TGFBR3: variants seen among roughly 807,000 people sequenced by gnomAD.
TGFBR3 encodes the protein transforming growth factor beta receptor type 3.
In TGFBR3, 46 loss-of-function variants were observed where a neutral mutation model predicts 87.9. That is an observed-to-expected ratio of 0.52 (90% confidence interval 0.41 to 0.67). The LOEUF (loss-of-function observed/expected upper bound fraction) is 0.67, where lower values mean the gene tolerates loss of function less well. Ranked by LOEUF, TGFBR3 falls within the 30% of genes least tolerant of loss-of-function variation. TGFBR3 has a pLI of 0.00. For missense variants in TGFBR3, 866 were observed against 1,041.9 expected (o/e 0.83, Z 2.32); for synonymous variants, 381 against 391.6 (o/e 0.97, Z 0.32).
chr1:91,788,570 A>G (rs1384377509), intron 3 of TGFBR3, among the ~76,000 whole-genome samples: 1 of 152,258 alleles, frequency 6.6e-6, no homozygotes, highest in Admixed American at 6.5e-5. Context: ...ATACTTCTGC[A>G]GAGTTTAAGT....
rs548854508 is a variant in TGFBR3 at position 91,787,162 on chromosome 1, G to A, written c.246+10125C>T. Among the ~76,000 whole-genome samples, 6 of 152,206 alleles carry A rather than the reference G, an allele frequency of 3.9e-5. No homozygotes were observed. The East Asian group carries it at 1.2e-3, about 30-fold the overall frequency. On this transcript the variant is annotated intron_variant, in intron 3 of 16. Transcript: ENST00000212355. Reference sequence around the variant, plus strand: ...CTAAAAATACAAAAATTAGCTGGGCGTGGTGGCACATGCCTATGGTCCCAG... The same window carrying A: ...CTAAAAATACAAAAATTAGCTGGGCATGGTGGCACATGCCTATGGTCCCAG...
intron 5 of TGFBR3, among the ~76,000 whole-genome samples, chr1:91,734,358 C>T (rs1350340231): frequency 1.3e-5 from 2 of 152,184 alleles, no homozygotes; most frequent in African/African-American, 4.8e-5. Context: ...ACACAGGCTT[C>T]AAACGTTTGC....
At chr1:91,871,748 G>C (rs565688578) in intron 1 of TGFBR3, among the ~76,000 whole-genome samples, 1 of 152,258 alleles carries the variant, frequency 6.6e-6, no homozygotes, top group South Asian at 2.1e-4. Flanking sequence ...TGTCCTAGAA[G>C]CAGACTACAG....
At chr1:91,900,365 CA>C (rs1442398109) in intron 1 of TGFBR3, among the ~76,000 whole-genome samples, 3 of 152,198 alleles carry the variant, frequency 2.0e-5, no homozygotes, top group African/African-American at 7.2e-5. Context: ...CTGCCTGCCT[CA>C]GCCTCCCAAA....
intron 1 of TGFBR3, among the ~76,000 whole-genome samples, chr1:91,869,698 A>G (rs1414934674): frequency 6.6e-6 from 1 of 152,202 alleles, no homozygotes; most frequent in Non-Finnish European, 1.5e-5. Context: ...GTACAGCAGG[A>G]TGATAAATTA....
At chr1:91,768,456 G>C (rs755281753) in intron 3 of TGFBR3, among the ~76,000 whole-genome samples, 1 of 152,182 alleles carries the variant, frequency 6.6e-6, no homozygotes, top group Non-Finnish European at 1.5e-5. Context: ...GAAATTGATA[G>C]GTTTTGGATC....
chr1:91,733,816 C>T (rs186167005), intron 5 of TGFBR3, among the ~76,000 whole-genome samples: 171 of 152,294 alleles, frequency 1.1e-3, no homozygotes, highest in African/African-American at 3.8e-3. Context: ...GGAGGAGGAT[C>T]TCTTAACCAG....
chr1:91,688,091 G>T (rs1198550171), intron 16 of TGFBR3, among the ~76,000 whole-genome samples: 1 of 152,048 alleles, frequency 6.6e-6, no homozygotes, highest in Non-Finnish European at 1.5e-5. Context: ...CCACACAAAA[G>T]ACTCTTCTTT....
At position 91,757,411 on chromosome 1, in the gene TGFBR3, T is replaced by C. The variant is rs17880864; in HGVS notation, c.384+1202A>G. Among the ~76,000 whole-genome samples, 186 of 152,362 alleles carry C rather than the reference T, an allele frequency of 1.2e-3. 1 individual carries two copies. The highest frequency in any genetic ancestry group is 4.4e-3 in the African/African-American group (181 of 41,586). On this transcript the variant is annotated intron_variant, in intron 4 of 16. Coordinates refer to ENST00000212355, the MANE Select transcript of TGFBR3 (RefSeq NM_003243.5). The stretch of plus-strand genomic sequence containing the variant: ...TATCATGGGATATCCCCAAGGTATA[T>C]AGTCACTATTTTTTATGTGTAATTA...
At position 91,682,066 on chromosome 1, in the gene TGFBR3, T is replaced by C. The variant is rs1262681746; in HGVS notation, c.*1673A>G. ...TATTGAAAAAAAAAAATGTTCCTTA[T>C]TGAATGTGTATATCTATCAGGTAAG... On this transcript the variant is annotated 3_prime_UTR_variant, in exon 17 of 17. Coordinates refer to ENST00000212355, the MANE Select transcript of TGFBR3 (RefSeq NM_003243.5). The C allele has an allele frequency of 4.4e-6, 2 of 454,058 alleles. No homozygotes were observed. The highest frequency in any genetic ancestry group is 2.3e-5 in the Admixed American group (1 of 42,566). 28.1% of individuals were successfully genotyped at this position (454,058 alleles called of 1,614,324 possible).
At chr1:91,835,274 T>A (rs928788452) in intron 2 of TGFBR3, among the ~76,000 whole-genome samples, 1 of 152,204 alleles carries the variant, frequency 6.6e-6, no homozygotes. Context: ...ACTTAAATTG[T>A]CCAGAATTCA....
chr1:91,741,068 C>A (rs1386403738), intron 4 of TGFBR3, among the ~76,000 whole-genome samples: 1 of 152,150 alleles, frequency 6.6e-6, no homozygotes, highest in Non-Finnish European at 1.5e-5. Flanking sequence ...CTCAGAACAC[C>A]AATTGATGCT....
intron 1 of TGFBR3, among the ~76,000 whole-genome samples, chr1:91,900,348 G>A (rs10875041): frequency 0.88 from 133,208 of 152,112 alleles, 59,749 homozygotes; most frequent in Non-Finnish European, 0.99. Flanking sequence ...TCCAGACCTC[G>A]GGTGATCTGC....
intron 2 of TGFBR3, among the ~76,000 whole-genome samples, chr1:91,830,797 A>C (rs575218954): frequency 1.3e-5 from 2 of 152,268 alleles, no homozygotes; most frequent in East Asian, 3.9e-4. Context: ...GAGAGGGCAC[A>C]GGGTCAGAGC....
At chr1:91,786,578 C>A (rs1279345160) in intron 3 of TGFBR3, among the ~76,000 whole-genome samples, 1 of 151,966 alleles carries the variant, frequency 6.6e-6, no homozygotes, top group Non-Finnish European at 1.5e-5. Flanking sequence ...TGGTGAAACC[C>A]CATCTCTACT....
Position 91,797,317 on chromosome 1 carries a change from T to C in TGFBR3, c.216A>G (p.Ala72=), listed in dbSNP as rs2810904. The C allele has an allele frequency of 0.65, 1,054,643 of 1,613,988 alleles. 346,355 individuals carry two copies. The highest frequency in any genetic ancestry group is 0.82 in the East Asian group (36,930 of 44,864). Residue 72 remains alanine, a synonymous_variant, in exon 3 of 17, where the codon GCA becomes GCG. Coordinates refer to ENST00000212355, the MANE Select transcript of TGFBR3 (RefSeq NM_003243.5). The part of the protein sequence containing the change: ...QEVHVLNLRT[A]GQGPGQLQRE... Reference sequence around the variant, plus strand: ...TCTGTAGCTGGCCAGGCCCCTGGCCTGCAGTGCGGAGATTCAGGACATGCA... The same window carrying C: ...TCTGTAGCTGGCCAGGCCCCTGGCCCGCAGTGCGGAGATTCAGGACATGCA...
chr1:91,758,536 A>G (rs1261819935), intron 4 of TGFBR3, 77 bp downstream of exon 4: 1 of 1,537,842 alleles, frequency 6.5e-7, no homozygotes, highest in East Asian at 2.3e-5. Context: ...GTAAGCCTTT[A>G]TGAAAAGTTT....
chr1:91,839,181 T>C (rs1050368443), intron 2 of TGFBR3, among the ~76,000 whole-genome samples: 9 of 152,290 alleles, frequency 5.9e-5, no homozygotes, highest in African/African-American at 2.2e-4. Context: ...TCTCGCTGTG[T>C]TGACCAGCCT....
intron 3 of TGFBR3, among the ~76,000 whole-genome samples, chr1:91,763,341 G>A (rs1231383091): frequency 6.6e-6 from 1 of 152,192 alleles, no homozygotes; most frequent in African/African-American, 2.4e-5. Flanking sequence ...TAACGTGTCA[G>A]TGAGGTCCAT....
Sources: gnomAD v4.1 joint callset for allele counts (sites outside exome capture counted in the v4.1 genomes callset) on GRCh38, gnomAD v4.1.1 for gene constraint, MANE v1.5 for transcripts, NCBI Gene and HGNC (gene_info 2026-07-23, HGNC 2026-07-21) for gene names.